The following CRACD variants were observed in gnomAD, a reference collection of about 807,000 sequenced individuals.
CRACD encodes the protein capping protein-inhibiting regulator of actin dynamics.
Under a neutral mutation model 106.8 loss-of-function variants are expected in CRACD, and 56 were observed. The observed-to-expected ratio is 0.52, with a 90% CI of 0.42 to 0.66. The LOEUF is 0.66. Ranked by LOEUF, CRACD falls within the 30% of genes least tolerant of loss-of-function variation. The probability of loss-of-function intolerance (pLI) is 0.00; values close to 1 mark genes in which losing one functional copy is unlikely to be tolerated. For missense variants in CRACD, 1,730 were observed against 1,623.2 expected (o/e 1.07, Z -1.13); for synonymous variants, 754 against 670.8 (o/e 1.12, Z -1.92).
At chr4:56,100,790 T>C (rs1415443346) in intron 1 of CRACD, among the ~76,000 whole-genome samples, 2 of 152,230 alleles carry the variant, frequency 1.3e-5, no homozygotes. Flanking sequence ...CTTGGACTTC[T>C]GGCCTCCACA....
At chr4:56,229,009 G>A (rs558326752) in intron 2 of CRACD, among the ~76,000 whole-genome samples, 21 of 152,300 alleles carry the variant, frequency 1.4e-4, no homozygotes, top group African/African-American at 5.1e-4. Context: ...TGTGAAAAAT[G>A]TTTTGAAAGT....
At chr4:56,305,741 C>T (rs905107421) in intron 4 of CRACD, among the ~76,000 whole-genome samples, 1 of 152,106 alleles carries the variant, frequency 6.6e-6, no homozygotes, top group African/African-American at 2.4e-5. Flanking sequence ...ATGCTGGGGT[C>T]CCCAGGGGGC....
At chr4:56,309,881 AAGTT>A (rs1183130305) in intron 5 of CRACD, among the ~76,000 whole-genome samples, 1 of 151,590 alleles carries the variant, frequency 6.6e-6, no homozygotes, top group African/African-American at 2.4e-5. Flanking sequence ...ATAAAGTAAA[AAGTT>A]AGCCAGACGT....
At chr4:56,152,655 C>T (rs1440579286) in intron 1 of CRACD, among the ~76,000 whole-genome samples, 1 of 152,070 alleles carries the variant, frequency 6.6e-6, no homozygotes, top group Non-Finnish European at 1.5e-5. Context: ...GCTATGATTA[C>T]ACCTCTGCAA....
chr4:56,270,793 G>A (rs958634355), intron 2 of CRACD, among the ~76,000 whole-genome samples: 1 of 152,050 alleles, frequency 6.6e-6, no homozygotes, highest in African/African-American at 2.4e-5. Context: ...GTTAAAACAT[G>A]TTTTTAGGCC....
intron 2 of CRACD, among the ~76,000 whole-genome samples, chr4:56,188,177 A>G (rs1050636654): frequency 2.0e-5 from 3 of 152,192 alleles, no homozygotes; most frequent in Non-Finnish European, 2.9e-5. Context: ...CTTAAATTTT[A>G]TATTAAGGAC....
At chr4:56,270,200 C>T (rs1170010234) in intron 2 of CRACD, among the ~76,000 whole-genome samples, 2 of 149,560 alleles carry the variant, frequency 1.3e-5, no homozygotes, top group Middle Eastern at 6.9e-3. Context: ...TGAACCACTT[C>T]TTCTCTTCAA....
rs563030922 is a variant in CRACD at position 56,278,268 on chromosome 4, G to T, written c.-17+5776G>T. On this transcript the variant is annotated intron_variant, in intron 3 of 10. Transcript: ENST00000682029. ...TTCCATTTAAAACACTTACTACAAAGCTGCAGTAATCTAAACAGTGAAGTA... is the reference window on the plus strand; with the variant it reads ...TTCCATTTAAAACACTTACTACAAATCTGCAGTAATCTAAACAGTGAAGTA... 4.6e-5 allele frequency among the ~76,000 whole-genome samples: 7 copies of T among 152,250 alleles called. No homozygotes were observed. In the East Asian group the frequency reaches 1.2e-3, roughly 25 times the overall value.
intron 1 of CRACD, among the ~76,000 whole-genome samples, chr4:56,058,955 T>G (rs1359525486): frequency 6.6e-6 from 1 of 152,226 alleles, no homozygotes; most frequent in African/African-American, 2.4e-5. Flanking sequence ...AGGGCCACTG[T>G]GCATTGTGAA....
intron 2 of CRACD, among the ~76,000 whole-genome samples, chr4:56,238,959 G>A (rs1022562161): frequency 6.6e-6 from 1 of 152,068 alleles, no homozygotes; most frequent in Non-Finnish European, 1.5e-5. Flanking sequence ...GTCACCAAAA[G>A]CCCCAAGTTC....
At chr4:56,140,864 A>G (rs755124291) in intron 1 of CRACD, among the ~76,000 whole-genome samples, 2 of 152,106 alleles carry the variant, frequency 1.3e-5, no homozygotes, top group African/African-American at 2.4e-5. Flanking sequence ...CAAAAACTAA[A>G]CCCTGGGTAT....
At chr4:56,296,697 C>T (rs1016239000) in intron 3 of CRACD, among the ~76,000 whole-genome samples, 5 of 152,088 alleles carry the variant, frequency 3.3e-5, no homozygotes, top group Non-Finnish European at 1.5e-5. Flanking sequence ...GGAGGTTGTG[C>T]TCTCTCTCCC....
intron 1 of CRACD, among the ~76,000 whole-genome samples, chr4:56,083,213 C>G (rs1394487227): frequency 1.3e-5 from 2 of 152,090 alleles, no homozygotes; most frequent in African/African-American, 4.8e-5. Context: ...GGAAAGTTGT[C>G]TTTATTCTGT....
chr4:56,105,838 T>C (rs1733932461), intron 1 of CRACD, among the ~76,000 whole-genome samples: 1 of 152,256 alleles, frequency 6.6e-6, no homozygotes, highest in African/African-American at 2.4e-5. Flanking sequence ...TTCCTGCTCT[T>C]GCTGTTCTGC....
chr4:56,250,786 A>G (rs1279242493), intron 2 of CRACD, among the ~76,000 whole-genome samples: 1 of 152,190 alleles, frequency 6.6e-6, no homozygotes, highest in African/African-American at 2.4e-5. Flanking sequence ...TTACATGTAA[A>G]ACTTTAAGCC....
chr4:56,267,016 G>A (rs1250529364), intron 2 of CRACD, among the ~76,000 whole-genome samples: 1 of 152,130 alleles, frequency 6.6e-6, no homozygotes, highest in African/African-American at 2.4e-5. Flanking sequence ...TGTAGGATGG[G>A]CTAAAATGTA....
intron 5 of CRACD, among the ~76,000 whole-genome samples, chr4:56,309,437 C>T (rs1744977412): frequency 6.6e-6 from 1 of 152,042 alleles, no homozygotes; most frequent in African/African-American, 2.4e-5. Context: ...GTCGCAGGGG[C>T]CAGGCAGTAT....
In CRACD at chr4:56,195,441, T is replaced by TA. The variant is rs927310236; in HGVS notation, c.-189+16020dup. On this transcript the variant is annotated intron_variant, in intron 2 of 10. Coordinates refer to ENST00000682029, the MANE Select transcript of CRACD (RefSeq NM_001393381.1). ...ATCCTAGAAAAAGTGTAAGAAAGAC[T>TA]AAAAAAAAATGACATGAAGGTATTA... Among the ~76,000 whole-genome samples the TA allele has an allele frequency of 3.0e-3, 452 of 150,984 alleles. 4 individuals are homozygous for TA. Among genetic ancestry groups the TA allele is most frequent in the African/African-American group, 9.1e-3 (373 of 41,156 alleles).
chr4:56,191,823 T>G (rs531982491), intron 2 of CRACD, among the ~76,000 whole-genome samples: 1 of 152,328 alleles, frequency 6.6e-6, no homozygotes, highest in African/African-American at 2.4e-5. Flanking sequence ...ATGGATAAAC[T>G]GTGAACTCTT....
Sources: allele counts gnomAD v4.1 joint callset (sites outside exome capture counted in the v4.1 genomes callset), GRCh38; gene constraint gnomAD v4.1.1; transcripts MANE v1.5; gene names NCBI Gene and HGNC (gene_info 2026-07-23, HGNC 2026-07-21).